LRRC40: variants seen among roughly 807,000 people sequenced by gnomAD.
LRRC40 encodes leucine-rich repeat-containing protein 40.
Under a neutral mutation model 72.8 loss-of-function variants are expected in LRRC40, and 76 were observed. That is an observed-to-expected ratio of 1.04 (90% confidence interval 0.87 to 1.26). The LOEUF (loss-of-function observed/expected upper bound fraction) is 1.26, where lower values mean the gene tolerates loss of function less well. LRRC40 is among the 50% of genes most tolerant of loss of function. LRRC40 has a pLI of 0.00. For missense variants in LRRC40, 684 were observed against 698.9 expected (o/e 0.98, Z 0.24); for synonymous variants, 243 against 254.2 (o/e 0.96, Z 0.42).
rs1352840359 is a variant in LRRC40 at position 70,175,908 on chromosome 1, C to T, written c.879G>A (p.Val293=). The change falls in exon 7 of 15, where the codon GTG becomes GTA. Residue 293 remains valine, a synonymous_variant. Transcript: ENST00000370952. ...TTAACTTGTTATCCCTCAGGTCTAGCACAAGAATTGAATTCAGATGTTTAA... is the reference window on the plus strand; with the variant it reads ...TTAACTTGTTATCCCTCAGGTCTAGTACAAGAATTGAATTCAGATGTTTAA... ...EHLKHLNSIL[V]LDLRDNKLKS... is the part of the protein sequence containing the mutation. The T allele has an allele frequency of 6.2e-7, 1 of 1,602,182 alleles. No homozygotes were observed. Among genetic ancestry groups the T allele is most frequent in the Admixed American group, 1.8e-5 (1 of 57,076 alleles).
In LRRC40 at chr1:70,163,831, A is replaced by G. The variant is rs1014257727; in HGVS notation, c.1112-4393T>C. Among the ~76,000 whole-genome samples, 10 of 152,310 alleles carry G rather than the reference A, an allele frequency of 6.6e-5. No individual in the cohort carries two copies. In the East Asian group the frequency reaches 1.9e-3, roughly 29 times the overall value. ...TAAAGGCAATGTTTGCAATCAAATA[A>G]AGTAATTAAGCTTAATGCCACGATG... is the stretch of plus-strand genomic sequence containing the variant. On this transcript the variant is annotated intron_variant, in intron 9 of 14. Coordinates refer to ENST00000370952, the MANE Select transcript of LRRC40 (RefSeq NM_017768.5).
chr1:70,184,459 G>C (rs1053515766), intron 4 of LRRC40, among the ~76,000 whole-genome samples: 1 of 151,874 alleles, frequency 6.6e-6, no homozygotes, highest in African/African-American at 2.4e-5. Flanking sequence ...AAATGGAAAT[G>C]GGTATAGAAA....
At chr1:70,155,655 T>G in intron 11 of LRRC40, 34 bp downstream of exon 11, 1 of 985,874 alleles carries the variant, frequency 1.0e-6, no homozygotes, top group Non-Finnish European at 1.5e-6. Context: ...ACAGAATGAG[T>G]CACAACCTAT....
intron 4 of LRRC40, among the ~76,000 whole-genome samples, chr1:70,184,229 C>T (rs1435806079): frequency 6.6e-6 from 1 of 152,082 alleles, no homozygotes; most frequent in Non-Finnish European, 1.5e-5. Flanking sequence ...GTCTGGGTGA[C>T]AGGGTAAGAC....
chr1:70,181,244 CA>C (rs1668239226), intron 4 of LRRC40, 35 bp from the exon 5 acceptor site: 1 of 1,320,074 alleles, frequency 7.6e-7, no homozygotes, highest in African/African-American at 1.5e-5. Context: ...AATGAATAAA[CA>C]AGTAAAAAAA....
At chr1:70,188,530 T>C (rs544040359) in intron 2 of LRRC40, among the ~76,000 whole-genome samples, 30 of 150,768 alleles carry the variant, frequency 2.0e-4, no homozygotes, top group African/African-American at 5.6e-4. Context: ...AGGACAGGAG[T>C]TCAAGACCAG....
intron 7 of LRRC40, among the ~76,000 whole-genome samples, chr1:70,175,494 T>A (rs34121744): frequency 0.21 from 31,524 of 152,038 alleles, 3,706 homozygotes; most frequent in East Asian, 0.41. Context: ...TAAAGTAAAT[T>A]CATTCCAGCG....
intron 1 of LRRC40, among the ~76,000 whole-genome samples, chr1:70,195,825 G>A (rs879739137): frequency 8.6e-5 from 13 of 152,030 alleles, no homozygotes; most frequent in Admixed American, 2.6e-4. Context: ...TAGTAGAGGC[G>A]GGGTTTCGCC....
chr1:70,187,838 G>GGAAGAGAAGAGAAAAGAGAAGAGAAGA (rs1668399509), intron 2 of LRRC40, among the ~76,000 whole-genome samples: 2 of 123,692 alleles, frequency 1.6e-5, no homozygotes, highest in East Asian at 2.5e-4. Context: ...CTCAAAAAAT[G>GGAAGAGAAGAGAAAAGAGAAGAGAAGA]GAAGAGAAGA....
rs181254606 is a variant in LRRC40, at chr1:70,159,318, T to A, written c.1220+12A>T. ...ATCTCTATAAAAATAAAAATAATAA[T>A]AAATTACATACCTATAGTCTAATAT... On this transcript the variant is annotated intron_variant, in intron 10 of 14. Transcript: ENST00000370952. 512 of 1,176,912 alleles carry A rather than the reference T, an allele frequency of 4.4e-4. 2 individuals carry two copies. In the African/African-American group the frequency reaches 7.3e-3, roughly 17 times the overall value. The allele number at this position is 1,176,912 out of a possible 1,614,324, so 72.9% of individuals were successfully genotyped here.
rs142622591 is a variant in LRRC40 at position 70,155,739 on chromosome 1, G to A, written c.1278C>T (p.Ile426=). 1.7e-3 allele frequency: 2,692 copies of A among 1,581,736 alleles called. 8 individuals carry two copies. Among genetic ancestry groups the A allele is most frequent in the African/African-American group, 1.6e-3 (117 of 74,458 alleles). ...TCTTACTGAAGTTAATAGAAGTGAC[G>A]ATGTTGCTTTTTACTGCATCAAACA... The part of the protein sequence containing the change: ...DEVFDAVKSN[I]VTSINFSKNQ... Residue 426 remains isoleucine (I), a synonymous_variant, in exon 11 of 15, where the codon ATC becomes ATT. Coordinates refer to ENST00000370952, the MANE Select transcript of LRRC40 (RefSeq NM_017768.5).
At chr1:70,152,682 G>A in intron 11 of LRRC40, 139 bp from the exon 12 acceptor site, 4 of 624,012 alleles carry the variant, frequency 6.4e-6, no homozygotes, top group Non-Finnish European at 1.1e-5. Flanking sequence ...TTTTTCACAG[G>A]AACATTAATG....
intron 6 of LRRC40, 52 bp from the exon 7 acceptor site, chr1:70,176,034 G>C (rs1258082826): frequency 1.8e-6 from 2 of 1,129,200 alleles, no homozygotes; most frequent in Non-Finnish European, 2.4e-6. Flanking sequence ...TTTTATAGTA[G>C]ATAATGAAAA....
chr1:70,191,473 C>T (rs1270800437), intron 1 of LRRC40, among the ~76,000 whole-genome samples: 1 of 152,086 alleles, frequency 6.6e-6, no homozygotes, highest in African/African-American at 2.4e-5. Context: ...TATTATTACT[C>T]AGATATTTTT....
At chr1:70,168,340 G>T (rs1318876708) in intron 9 of LRRC40, among the ~76,000 whole-genome samples, 1 of 152,204 alleles carries the variant, frequency 6.6e-6, no homozygotes, top group East Asian at 1.9e-4. Flanking sequence ...ATAAGTTGCT[G>T]GTTCAAAGAA....
intron 14 of LRRC40, among the ~76,000 whole-genome samples, chr1:70,146,762 C>T (rs1455155715): frequency 2.6e-5 from 4 of 152,172 alleles, no homozygotes; most frequent in Non-Finnish European, 4.4e-5. Context: ...TTAACACATT[C>T]TGCCCTCTCC....
chr1:70,186,737 C>A (rs1668367594), intron 3 of LRRC40, among the ~76,000 whole-genome samples: 1 of 152,054 alleles, frequency 6.6e-6, no homozygotes, highest in Non-Finnish European at 1.5e-5. Context: ...AGAGAGCAAA[C>A]AGAGTTAGCT....
At position 70,187,281 on chromosome 1, in the gene LRRC40, G is replaced by A. The variant is rs1668380811; in HGVS notation, c.391C>T (p.Gln131Ter). Residue 131 changes from glutamine to a stop codon, truncating the protein, a stop_gained, in exon 3 of 15, where the codon CAG becomes TAG. Transcript: ENST00000370952. LOFTEE classifies it high-confidence loss of function. ...AATTTTTACCTGACATTAAGTTTCTGAAGATTTTCTAGCTCTCTTATAGCA... is the reference window on the plus strand; with the variant it reads ...AATTTTTACCTGACATTAAGTTTCTAAAGATTTTCTAGCTCTCTTATAGCA... ...PSAIRELENL[Q>*]KLNVSHNKLK... 1 of 1,576,298 alleles carries A rather than the reference G, an allele frequency of 6.3e-7. No individual in the cohort carries two copies. Among genetic ancestry groups the A allele is most frequent in the Non-Finnish European group, 8.7e-7 (1 of 1,148,178 alleles).
At chr1:70,191,274 T>C (rs1668494389) in intron 1 of LRRC40, among the ~76,000 whole-genome samples, 1 of 152,142 alleles carries the variant, frequency 6.6e-6, no homozygotes. Context: ...AGATGAGACA[T>C]AGAACATTTG....
Sources: gnomAD v4.1 joint callset for allele counts (sites outside exome capture counted in the v4.1 genomes callset) on GRCh38, gnomAD v4.1.1 for gene constraint, MANE v1.5 for transcripts, NCBI Gene and HGNC (gene_info 2026-07-23, HGNC 2026-07-21) for gene names.